GREP1: variants seen among roughly 807,000 people sequenced by gnomAD.
The protein encoded by GREP1 is glycine rich extracellular protein 1.
intron 33 of GREP1, among the ~76,000 whole-genome samples, chr16:3,001,045 G>T (rs912140433): frequency 6.6e-6 from 1 of 152,172 alleles, no homozygotes; most frequent in Non-Finnish European, 1.5e-5. Flanking sequence ...GGGACCCTGA[G>T]AGCCAGCCCA....
chr16:2,989,934 T>A lies in GREP1; in HGVS notation c.131-40T>A, dbSNP rs928115098. 7.5e-6 allele frequency: 3 copies of A among 398,158 alleles called. No individual in the cohort carries two copies. Among genetic ancestry groups the A allele is most frequent in the Non-Finnish European group, 1.3e-5 (3 of 225,820 alleles). 24.7% of individuals were successfully genotyped at this position (398,158 alleles called of 1,614,324 possible). On this transcript the variant is annotated intron_variant, in intron 3 of 34. Transcript: ENST00000573315. The surrounding 1 kb of genome is among the most constrained non-coding windows in gnomAD (Gnocchi z 4.2). ...GGCCAGGTGTGGGGCTCTGGGGAGA[T>A]CCTGGGGGAGGGGTGTCCCTCACCT...
In GREP1 at chr16:3,000,740, C is replaced by G. The variant is rs537357665; in HGVS notation, c.1444C>G (p.Arg482Gly). 3.8e-5 allele frequency: 15 copies of G among 398,948 alleles called. No homozygotes were observed. The East Asian group carries it at 5.0e-4, about 13-fold the overall frequency. 24.7% of individuals were successfully genotyped at this position (398,948 alleles called of 1,614,324 possible). ...GCAGGCCGGGGTGCTGTGGAACTCTCGCTGGCCCACCCTCCAGGCCTGGGG... is the reference window on the plus strand; with the variant it reads ...GCAGGCCGGGGTGCTGTGGAACTCTGGCTGGCCCACCCTCCAGGCCTGGGG... Residue 482 changes from arginine (R) to glycine (G), a missense_variant, in exon 33 of 35, where the codon CGC becomes GGC. Arg to Gly is a moderately radical substitution (Grantham distance 125). Transcript: ENST00000573315.
At position 2,992,936 on chromosome 16, in the gene GREP1, G is replaced by A; in HGVS notation, c.358G>A (p.Gly120Arg). Reference sequence around the variant, plus strand: ...CCCTCTCATCTTCCCCCCAGGCTTTGGAGGGGGTGGAAAACCCCAGAAGCC... The same window carrying A: ...CCCTCTCATCTTCCCCCCAGGCTTTAGAGGGGGTGGAAAACCCCAGAAGCC... Residue 120 changes from glycine to arginine, a missense_variant, in exon 10 of 35, where the codon GGA (glycine) becomes AGA (arginine). Transcript: ENST00000573315. This position sits in a 1 kb window ranked among gnomAD's most constrained non-coding sequence, Gnocchi z 4.9. 2.5e-6 allele frequency: 1 copy of A among 399,062 alleles called. No homozygotes were observed. Among genetic ancestry groups the A allele is most frequent in the Non-Finnish European group, 4.4e-6 (1 of 226,058 alleles). The allele number at this position is 399,062 out of a possible 1,614,324, so 24.7% of individuals were successfully genotyped here.
exon 14 of GREP1, chr16:2,995,308 A>G (rs982648272): frequency 3.3e-5 from 13 of 398,882 alleles, no homozygotes; most frequent in Non-Finnish European, 4.0e-5. Flanking sequence ...ATGAAGGCAC[A>G]GGAGCCAGGT....
chr16:2,995,679 T>G (rs1411752193), intron 16 of GREP1, 25 bp downstream of exon 16: 3 of 397,960 alleles, frequency 7.5e-6, no homozygotes, highest in Non-Finnish European at 8.9e-6. Flanking sequence ...GGGGAGGGGC[T>G]GGGGGAGAAT....
At chr16:2,998,614 C>G in intron 25 of GREP1, 91 bp downstream of exon 23, 1 of 398,470 alleles carries the variant, frequency 2.5e-6, no homozygotes, top group East Asian at 3.6e-5. Context: ...GAGCCCCATC[C>G]CTGCCAGATC....
chr16:3,001,308 ATGG>A (rs1278506820), exon 34 of GREP1: 1 of 398,998 alleles, frequency 2.5e-6, no homozygotes, highest in African/African-American at 2.1e-5. Context: ...AGAGGCAGCA[ATGG>A]CCAGCTGGGG....
In GREP1 at chr16:2,997,836, G is replaced by T; in HGVS notation, c.949+1G>T. 2.5e-6 allele frequency: 1 copy of T among 398,586 alleles called. No homozygotes were observed. The highest frequency in any genetic ancestry group is 4.4e-6 in the Non-Finnish European group (1 of 226,112). 24.7% of individuals were successfully genotyped at this position (398,586 alleles called of 1,614,324 possible). The stretch of plus-strand genomic sequence containing the variant: ...GAGGGCATGAAACCTCAGAAGCCAG[G>T]TAAGCCCTTCCCACTCCTCACTCTC... On this transcript the variant is annotated splice_donor_variant, in intron 23 of 34. Transcript: ENST00000573315. LOFTEE classifies it high-confidence loss of function.
intron 23 of GREP1, 26 bp from the exon 22 acceptor site, chr16:2,998,330 A>G (rs2072437883): frequency 5.0e-6 from 2 of 398,978 alleles, no homozygotes; most frequent in Admixed American, 8.8e-5. Flanking sequence ...TGATGTCTGA[A>G]CTGGCCTCTT....
intron 22 of GREP1, chr16:2,997,462 GA>G (rs2151105860): frequency 5.0e-6 from 2 of 399,174 alleles, no homozygotes; most frequent in East Asian, 7.1e-5. Context: ...AAGGAGGAAA[GA>G]GGTGGGGGCC....
At chr16:2,997,721 G>A in intron 22 of GREP1, 82 bp from the exon 21 acceptor site, 1 of 398,638 alleles carries the variant, frequency 2.5e-6, no homozygotes, top group Non-Finnish European at 4.4e-6. Context: ...ATGGGCACCA[G>A]GTGGGGGACA....
At chr16:2,993,489 C>T (rs189640384) in intron 10 of GREP1, 1 of 151,016 alleles carries the variant, frequency 6.6e-6, no homozygotes, top group African/African-American at 2.4e-5. Flanking sequence ...ATCTTGGGCT[C>T]AAGCAATCCA....
chr16:2,991,280 A>G lies in GREP1; in HGVS notation c.322+179A>G. 2.5e-6 allele frequency: 1 copy of G among 395,526 alleles called. No homozygotes were observed. The highest frequency in any genetic ancestry group is 4.4e-6 in the Non-Finnish European group (1 of 224,758). 24.5% of individuals were successfully genotyped at this position (395,526 alleles called of 1,614,324 possible). A position where few individuals can be genotyped will look rare whatever the true frequency, so the allele number is the denominator to read the frequency against. ...TGAAACCTCCGAAGCCAGGTGAGGC[A>G]GAGCCCTGCCCCGCCTTGCCCACTT... On this transcript the variant is annotated intron_variant, in intron 8 of 34. Transcript: ENST00000573315. This position sits in a 1 kb window ranked among gnomAD's most constrained non-coding sequence, Gnocchi z 4.9.
intron 13 of GREP1, 139 bp from the exon 15 acceptor site, chr16:2,995,144 CG>C (rs369119967): frequency 5.0e-6 from 2 of 397,806 alleles, no homozygotes; most frequent in African/African-American, 4.1e-5. Flanking sequence ...CCTCCCACCC[CG>C]ACAAGCCCCC....
At chr16:3,001,068 A>C (rs74395429) in intron 33 of GREP1, among the ~76,000 whole-genome samples, 1,598 of 152,252 alleles carry the variant, frequency 0.01, 35 homozygotes, top group African/African-American at 0.037. Flanking sequence ...CACTGGACCA[A>C]GAAGGGGAGG....
chr16:3,001,259 GGTCT>G lies in GREP1; in HGVS notation c.1532-11_1532-8del, dbSNP rs1439564008. The stretch of plus-strand genomic sequence containing the variant: ...GCTCTCTGGTGACCCGAGTGCTCCT[GGTCT>G]GTCTGTCTGTGCCACAGGGGGCCCC... On this transcript the variant is annotated intron_variant, in intron 33 of 34. Coordinates refer to ENST00000573315, the Ensembl canonical transcript of GREP1. 8.3e-5 allele frequency: 33 copies of G among 399,016 alleles called. No homozygotes were observed. Among genetic ancestry groups the G allele is most frequent in the Non-Finnish European group, 1.4e-4 (31 of 226,134 alleles). 24.7% of individuals were successfully genotyped at this position (399,016 alleles called of 1,614,324 possible).
At chr16:2,993,919 C>T (rs1567397416) in intron 10 of GREP1, 1 of 152,596 alleles carries the variant, frequency 6.6e-6, no homozygotes, top group Non-Finnish European at 1.5e-5. Flanking sequence ...GATCGTGCCA[C>T]TGCACTCCAG....
In GREP1 at chr16:2,990,354, C is replaced by A. The variant is rs368463587; in HGVS notation, c.200-101C>A. ...CCTTCCACTAAGAATGGCTATGGAG[C>A]AGGTAGAGATGGGAGTGGGGGAGCT... On this transcript the variant is annotated intron_variant, in intron 5 of 34. Transcript: ENST00000573315. 15 of 398,770 alleles carry A rather than the reference C, an allele frequency of 3.8e-5. No individual in the cohort carries two copies. The South Asian group carries it at 6.6e-4, about 17-fold the overall frequency. 24.7% of individuals were successfully genotyped at this position (398,770 alleles called of 1,614,324 possible). A position where few individuals can be genotyped will look rare whatever the true frequency, so the allele number is the denominator to read the frequency against.
chr16:3,000,834 G>A lies in GREP1; in HGVS notation c.1531+7G>A, dbSNP rs1464305659. On this transcript the variant is annotated splice_region_variant and intron_variant, in intron 33 of 34. Coordinates refer to ENST00000573315, the Ensembl canonical transcript of GREP1. ...GAGGCCAGGAGCCAGCCAGGTAACGGGATGCCTGGATGAGTGTGTTGGGGC... is the reference window on the plus strand; with the variant it reads ...GAGGCCAGGAGCCAGCCAGGTAACGAGATGCCTGGATGAGTGTGTTGGGGC... The A allele has an allele frequency of 5.0e-6, 2 of 398,696 alleles. No homozygotes were observed. Among genetic ancestry groups the A allele is most frequent in the East Asian group, 7.2e-5 (2 of 27,808 alleles). The allele number at this position is 398,696 out of a possible 1,614,324, so 24.7% of individuals were successfully genotyped here.
Sources: gnomAD v4.1 joint callset for allele counts (sites outside exome capture counted in the v4.1 genomes callset) on GRCh38, gnomAD v4.1.1 for gene constraint, Gnocchi (gnomAD v3.1) non-coding constraint, MANE v1.5 for transcripts, NCBI Gene and HGNC (gene_info 2026-07-23, HGNC 2026-07-21) for gene names.